The following SYDE2 variants were observed in gnomAD, a reference collection of about 807,000 sequenced individuals.
The protein encoded by SYDE2 is rho GTPase-activating protein SYDE2.
A neutral mutation model predicts 91.5 loss-of-function variants in SYDE2; 76 were observed. The observed-to-expected ratio is 0.83, with a 90% CI of 0.69 to 1.01. The LOEUF is 1.01. SYDE2 is among the 50% of genes least tolerant of loss of function. SYDE2 has a pLI of 0.00. For missense variants in SYDE2, 1,364 were observed against 1,367.7 expected, an observed-to-expected ratio of 1.00 and a Z score of 0.04; for synonymous variants, 513 against 506.4, an observed-to-expected ratio of 1.01 and a Z score of -0.18.
At chr1:85,164,791 T>C in intron 5 of SYDE2, 34 bp from the exon 6 acceptor site, 2 of 1,221,816 alleles carry the variant, frequency 1.6e-6, no homozygotes, top group Non-Finnish European at 2.1e-6. Context: ...AATATAGTCA[T>C]AAAGAGGCAA....
chr1:85,183,625 A>G (rs1658019852), intron 2 of SYDE2, among the ~76,000 whole-genome samples: 1 of 152,156 alleles, frequency 6.6e-6, no homozygotes, highest in Admixed American at 6.5e-5. Context: ...ATAGAGAAAA[A>G]AACTATTTTA....
chr1:85,164,820 T>C (rs1188103304), intron 5 of SYDE2, 63 bp from the exon 6 acceptor site: 4 of 941,138 alleles, frequency 4.3e-6, no homozygotes, highest in Non-Finnish European at 5.8e-6. Context: ...ACACAATTTA[T>C]AGCAGGAAAT....
rs781533056 is a variant in SYDE2, at chr1:85,158,962, T to C, written c.3373A>G (p.Asn1125Asp). The change falls in exon 7 of 7, where the codon AAT becomes GAT. Residue 1125 changes from asparagine to aspartate, a missense_variant. By Grantham distance (23) the Asn-to-Asp change is conservative. Coordinates refer to ENST00000341460, the MANE Select transcript of SYDE2 (RefSeq NM_032184.2). ...TCTGGCCCATCCATTTTGCTATAAT[T>C]TTCTCCGATTTTTCTATCTTCTGAA... ...VPSEDRKIGE[N>D]YSKMDGPEVM... 1.3e-6 allele frequency: 1 copy of C among 780,618 alleles called. No homozygotes were observed. Among genetic ancestry groups the C allele is most frequent in the Non-Finnish European group, 2.4e-6 (1 of 417,918 alleles). 48.4% of individuals were successfully genotyped at this position (780,618 alleles called of 1,614,324 possible).
intron 6 of SYDE2, 27 bp downstream of exon 6, chr1:85,164,499 G>T: frequency 1.4e-6 from 2 of 1,432,626 alleles, no homozygotes; most frequent in Non-Finnish European, 1.9e-6. Flanking sequence ...CATTGAAAGT[G>T]AAAAACATTT....
intron 4 of SYDE2, among the ~76,000 whole-genome samples, chr1:85,169,639 T>C (rs1340831563): frequency 1.3e-5 from 2 of 152,230 alleles, no homozygotes; most frequent in Admixed American, 1.3e-4. Context: ...AGACTTTAAA[T>C]TGATAATGAA....
Position 85,200,844 on chromosome 1 carries a change from G to A in SYDE2, c.153C>T (p.Gly51=). Residue 51 remains glycine, a synonymous_variant, in exon 1 of 7, where the codon GGC becomes GGT. Coordinates refer to ENST00000341460, the MANE Select transcript of SYDE2 (RefSeq NM_032184.2). ...RACPRDGERG[G]GGRPRQQVSP... Reference sequence around the variant, plus strand: ...ACACCTGCTGCCGAGGGCGTCCGCCGCCTCCCCGCTCCCCGTCCCGGGGGC... The same window carrying A: ...ACACCTGCTGCCGAGGGCGTCCGCCACCTCCCCGCTCCCCGTCCCGGGGGC... 2 of 1,387,488 alleles carry A rather than the reference G, an allele frequency of 1.4e-6. No homozygotes were observed. Among genetic ancestry groups the A allele is most frequent in the South Asian group, 3.3e-5 (2 of 61,134 alleles). 85.9% of individuals were successfully genotyped at this position (1,387,488 alleles called of 1,614,324 possible). A position where few individuals can be genotyped will look rare whatever the true frequency, so the allele number is the denominator to read the frequency against.
intron 4 of SYDE2, among the ~76,000 whole-genome samples, chr1:85,176,662 G>A (rs1657711400): frequency 6.6e-6 from 1 of 152,136 alleles, no homozygotes. Context: ...GTTGTCAGTA[G>A]AGAGGAGAAA....
intron 1 of SYDE2, among the ~76,000 whole-genome samples, chr1:85,198,305 T>C (rs1417325530): frequency 3.9e-5 from 6 of 152,192 alleles, no homozygotes; most frequent in African/African-American, 1.4e-4. Flanking sequence ...TTGGGGGCTA[T>C]AAAAATTGTA....
intron 4 of SYDE2, among the ~76,000 whole-genome samples, chr1:85,173,646 AAAC>A (rs2100658783): frequency 6.6e-6 from 1 of 152,326 alleles, no homozygotes; most frequent in East Asian, 1.9e-4. Context: ...CTTGCATACC[AAAC>A]AACAGAAATA....
rs184706745 is a variant in SYDE2, at chr1:85,184,103, T to C, written c.1442-903A>G. Reference sequence around the variant, plus strand: ...ACTATACTAATCAAATCACATACTATCTTTAAAAAGAAGGTACAAAATAAA... The same window carrying C: ...ACTATACTAATCAAATCACATACTACCTTTAAAAAGAAGGTACAAAATAAA... On this transcript the variant is annotated intron_variant, in intron 2 of 6. Coordinates refer to ENST00000341460, the MANE Select transcript of SYDE2 (RefSeq NM_032184.2). Among the ~76,000 whole-genome samples the C allele has an allele frequency of 9.9e-5, 15 of 152,184 alleles. No individual in the cohort carries two copies. The East Asian group carries it at 2.9e-3, about 29-fold the overall frequency.
rs150748043 is a variant in SYDE2, at chr1:85,200,492, T to C, written c.505A>G (p.Ser169Gly). The change falls in exon 1 of 7, where the codon AGT (serine) becomes GGT (glycine). Residue 169 changes from serine to glycine, a missense_variant. Transcript: ENST00000341460. ...CCTTCCTGGCGGTCTCCTTTGCCAC[T>C]GCGTATCACAGAGGACCCCGCTGGA... ...RDPAGSSVIR[S>G]GKGDRQEGPS... The C allele has an allele frequency of 2.5e-6, 4 of 1,613,692 alleles. No homozygotes were observed. The highest frequency in any genetic ancestry group is 2.7e-5 in the African/African-American group (2 of 74,932).
chr1:85,190,395 C>T lies in SYDE2; in HGVS notation c.1103G>A (p.Gly368Glu). ...AGGAATGGGATTGTACCATATTTCT[C>T]CTTCATCATCTGCATCATTTTCCTC... ...FNEENDADDEGEIWYNPIPED... is the reference protein window; with the variant it reads ...FNEENDADDEEEIWYNPIPED... Residue 368 changes from glycine (G) to glutamate (E), a missense_variant, in exon 2 of 7, where the codon GGA becomes GAA. Coordinates refer to ENST00000341460, the MANE Select transcript of SYDE2 (RefSeq NM_032184.2). The T allele has an allele frequency of 1.9e-6, 3 of 1,613,856 alleles. No homozygotes were observed. Among genetic ancestry groups the T allele is most frequent in the Non-Finnish European group, 2.5e-6 (3 of 1,179,818 alleles).
intron 4 of SYDE2, among the ~76,000 whole-genome samples, chr1:85,175,089 T>C (rs1557747171): frequency 2.0e-5 from 3 of 152,304 alleles, no homozygotes; most frequent in South Asian, 4.1e-4. Context: ...TGACATGAAA[T>C]CTATTTTACA....
At chr1:85,156,196 T>C (rs1451934147), downstream of SYDE2, among the ~76,000 whole-genome samples, 1 of 152,090 alleles carries the variant, frequency 6.6e-6, no homozygotes, top group African/African-American at 2.4e-5. Flanking sequence ...TCCATCTGAA[T>C]TGTTTAGAAT....
rs575772624 is a variant in SYDE2 at position 85,176,680 on chromosome 1, C to A, written c.2671+1466G>T. On this transcript the variant is annotated intron_variant, in intron 4 of 6. Transcript: ENST00000341460. The stretch of plus-strand genomic sequence containing the variant: ...GTCAGTAGAGAGGAGAAAGAACTAC[C>A]AAAATACACAGAAGATCTGGAGATA... Among the ~76,000 whole-genome samples, 94 of 151,952 alleles carry A rather than the reference C, an allele frequency of 6.2e-4. 1 individual carries two copies. The Middle Eastern group carries it at 0.01, about 16-fold the overall frequency.
In SYDE2 at chr1:85,173,072, C is replaced by T. The variant is rs541613275; in HGVS notation, c.2672-3847G>A. 1.6e-4 allele frequency among the ~76,000 whole-genome samples: 24 copies of T among 152,130 alleles called. No individual in the cohort carries two copies. In the South Asian group the frequency reaches 5.0e-3, roughly 32 times the overall value. The stretch of plus-strand genomic sequence containing the variant: ...CCCCCACCCCCAACCAAAAATAAAA[C>T]ATGTTGAAGTCTGAACTCCTAGTAC... On this transcript the variant is annotated intron_variant, in intron 4 of 6. Coordinates refer to ENST00000341460, the MANE Select transcript of SYDE2 (RefSeq NM_032184.2).
intron 1 of SYDE2, among the ~76,000 whole-genome samples, chr1:85,199,948 T>C (rs1188239490): frequency 6.6e-6 from 1 of 152,150 alleles, no homozygotes; most frequent in Non-Finnish European, 1.5e-5. Flanking sequence ...AAGTGTGTTA[T>C]ACTTAACCTT....
At position 85,200,357 on chromosome 1, in the gene SYDE2, G is replaced by T; in HGVS notation, c.640C>A (p.Pro214Thr). 6.2e-7 allele frequency: 1 copy of T among 1,613,996 alleles called. No homozygotes were observed. Among genetic ancestry groups the T allele is most frequent in the Non-Finnish European group, 8.5e-7 (1 of 1,179,882 alleles). The change falls in exon 1 of 7, where the codon CCC becomes ACC. Residue 214 changes from proline to threonine, a missense_variant. By Grantham distance (38) the Pro-to-Thr change is conservative (BLOSUM62 -1). Transcript: ENST00000341460. Reference protein sequence around the residue: ...GMKGRARGTAPKVTGTQAASP... With the variant: ...GMKGRARGTATKVTGTQAASP... Reference sequence around the variant, plus strand: ...GCTGCCTGCGTTCCTGTGACTTTGGGAGCCGTCCCACGGGCACGACCCTTC... The same window carrying T: ...GCTGCCTGCGTTCCTGTGACTTTGGTAGCCGTCCCACGGGCACGACCCTTC...
At chr1:85,160,486 A>G in intron 6 of SYDE2, 1 of 968,182 alleles carries the variant, frequency 1.0e-6, no homozygotes, top group Non-Finnish European at 1.2e-6. Flanking sequence ...AAAATTTTCT[A>G]GAAAATAAAA....
Sources: gnomAD v4.1 joint callset for allele counts (sites outside exome capture counted in the v4.1 genomes callset) on GRCh38, gnomAD v4.1.1 for gene constraint, MANE v1.5 for transcripts, NCBI Gene and HGNC (gene_info 2026-07-23, HGNC 2026-07-21) for gene names.